Variants in ARSB observed in about 807,000 individuals in gnomAD.
ARSB encodes the protein arylsulfatase B, also known as N-acetylgalactosamine-4-sulfatase.
Under a neutral mutation model 50.9 loss-of-function variants are expected in ARSB, and 41 were observed. The observed-to-expected ratio is 0.81, with a 90% confidence interval of 0.63 to 1.04. ARSB has a LOEUF of 1.04. ARSB is among the 50% of genes least tolerant of loss of function. The pLI, the probability that ARSB is intolerant of heterozygous loss-of-function variation, is 0.00. For missense variants in ARSB, 672 were observed against 693.3 expected, an observed-to-expected ratio of 0.97 and a Z score of 0.35; for synonymous variants, 269 against 284.8, an observed-to-expected ratio of 0.94 and a Z score of 0.56.
chr5:78,862,510 C>T (rs1746495021), intron 5 of ARSB, among the ~76,000 whole-genome samples: 1 of 152,148 alleles, frequency 6.6e-6, no homozygotes, highest in Admixed American at 6.5e-5. Context: ...AAAGTATTCC[C>T]TATTTAATAC....
intron 4 of ARSB, among the ~76,000 whole-genome samples, chr5:78,920,312 G>A (rs1749744281): frequency 6.6e-6 from 1 of 152,228 alleles, no homozygotes; most frequent in Admixed American, 6.5e-5. Context: ...GGGAGGCCAA[G>A]GTGGGAGGAT....
At chr5:78,868,925 G>C (rs1367218392) in intron 5 of ARSB, among the ~76,000 whole-genome samples, 1 of 151,636 alleles carries the variant, frequency 6.6e-6, no homozygotes, top group Non-Finnish European at 1.5e-5. Context: ...CCCATCTCAC[G>C]TGCAGAGACA....
chr5:78,947,543 A>G (rs1382560466), intron 4 of ARSB, among the ~76,000 whole-genome samples: 1 of 152,216 alleles, frequency 6.6e-6, no homozygotes, highest in African/African-American at 2.4e-5. Context: ...GCTCAACATG[A>G]TTGGCTATCA....
intron 5 of ARSB, among the ~76,000 whole-genome samples, chr5:78,848,947 T>C (rs1210961048): frequency 2.0e-5 from 3 of 152,224 alleles, no homozygotes; most frequent in Admixed American, 6.5e-5. Flanking sequence ...TTGAGTTCAT[T>C]GTAGATTCTG....
chr5:78,916,100 G>A lies in ARSB; in HGVS notation c.899-30273C>T, dbSNP rs372181022. Among the ~76,000 whole-genome samples the A allele has an allele frequency of 1.4e-4, 21 of 152,278 alleles. No individual in the cohort carries two copies. The South Asian group carries it at 2.9e-3, about 21-fold the overall frequency. On this transcript the variant is annotated intron_variant, in intron 4 of 7. Transcript: ENST00000264914. ...GGGATGAATATAATGTGGTAAGCGC[G>A]TATGACTTCCATAAAATCCAAAATA...
chr5:78,787,951 G>T (rs1298128551), intron 6 of ARSB, among the ~76,000 whole-genome samples: 2 of 152,116 alleles, frequency 1.3e-5, no homozygotes, highest in Admixed American at 1.3e-4. Context: ...CAGAAACAGA[G>T]CACTGAGGGC....
chr5:78,813,691 A>G (rs1000293196), intron 6 of ARSB, among the ~76,000 whole-genome samples: 2 of 152,116 alleles, frequency 1.3e-5, no homozygotes, highest in Admixed American at 6.5e-5. Context: ...AGGGAGCTCA[A>G]GGCTGCAGTG....
In ARSB at chr5:78,985,196, A is replaced by T; in HGVS notation, c.53T>A (p.Leu18Gln). ...SLPRGPGPRR[L>Q]LLPVVLPLLL... is the part of the protein sequence containing the mutation. ...CAGCGGGAGGACGACGGGGAGGAGC[A>T]GCCGCCGAGGTCCGGGGCCTCGGGG... The change falls in exon 1 of 8, where the codon CTG becomes CAG. Residue 18 changes from leucine to glutamine, a missense_variant. Leu to Gln is a moderately radical substitution (Grantham distance 113). Coordinates refer to ENST00000264914, the MANE Select transcript of ARSB (RefSeq NM_000046.5). The T allele has an allele frequency of 7.2e-7, 1 of 1,396,042 alleles. No individual in the cohort carries two copies. Among genetic ancestry groups the T allele is most frequent in the South Asian group, 1.6e-5 (1 of 61,824 alleles). 86.5% of individuals were successfully genotyped at this position (1,396,042 alleles called of 1,614,324 possible).
intron 4 of ARSB, among the ~76,000 whole-genome samples, chr5:78,913,963 ATTT>A (rs200423948): frequency 7.2e-6 from 1 of 138,184 alleles, no homozygotes. Flanking sequence ...CAATACCATG[ATTT>A]TTTTTTTTTT....
intron 5 of ARSB, among the ~76,000 whole-genome samples, chr5:78,868,152 T>G (rs1025628653): frequency 5.0e-4 from 70 of 140,402 alleles, no homozygotes; most frequent in African/African-American, 1.8e-3. Flanking sequence ...CCAAGAAATA[T>G]GGGACTATGT....
At chr5:78,884,523 A>G (rs1381886663) in intron 5 of ARSB, 2 of 151,156 alleles carry the variant, frequency 1.3e-5, no homozygotes, top group African/African-American at 4.8e-5. Context: ...GAGTGGGATG[A>G]AGAGATGGCC....
chr5:78,956,210 T>C (rs1442719076), intron 3 of ARSB, among the ~76,000 whole-genome samples: 1 of 152,216 alleles, frequency 6.6e-6, no homozygotes, highest in Admixed American at 6.5e-5. Context: ...TATTGATACA[T>C]ACTACAACAT....
Position 78,785,740 on chromosome 5 carries a change from C to T in ARSB, c.1214-3766G>A, listed in dbSNP as rs549575610. ...CCTAATCTCCCAGAACCTATGAATA[C>T]ATCACCTTCCATGCCATAAGGGACT... is the stretch of plus-strand genomic sequence containing the variant. On this transcript the variant is annotated intron_variant, in intron 6 of 7. Transcript: ENST00000264914. Among the ~76,000 whole-genome samples the T allele has an allele frequency of 5.3e-5, 8 of 152,352 alleles. No homozygotes were observed. The East Asian group carries it at 1.5e-3, about 29-fold the overall frequency.
chr5:78,904,835 T>C (rs1176488359), intron 4 of ARSB, among the ~76,000 whole-genome samples: 1 of 151,896 alleles, frequency 6.6e-6, no homozygotes, highest in Non-Finnish European at 1.5e-5. Context: ...ACGACAGGCG[T>C]GTGCCACCAC....
chr5:78,790,486 A>C (rs917047889), intron 6 of ARSB, among the ~76,000 whole-genome samples: 7 of 152,228 alleles, frequency 4.6e-5, no homozygotes, highest in African/African-American at 9.6e-5. Flanking sequence ...TAAAATTAAC[A>C]TAACAGTAGC....
intron 5 of ARSB, among the ~76,000 whole-genome samples, chr5:78,850,347 A>G (rs1745703323): frequency 6.6e-6 from 1 of 152,206 alleles, no homozygotes; most frequent in African/African-American, 2.4e-5. Flanking sequence ...TTCTGGTTAT[A>G]TGCTGGATTA....
intron 6 of ARSB, among the ~76,000 whole-genome samples, chr5:78,799,569 G>T (rs1469821150): frequency 2.6e-5 from 4 of 152,178 alleles, no homozygotes; most frequent in Middle Eastern, 3.2e-3. Context: ...GATGTGTATG[G>T]CAAAATCCTA....
chr5:78,828,761 C>T (rs978754315), intron 6 of ARSB, among the ~76,000 whole-genome samples: 5 of 128,136 alleles, frequency 3.9e-5, no homozygotes, highest in Non-Finnish European at 6.8e-5. Flanking sequence ...AAGATATCCA[C>T]GTCCCAATCC....
chr5:78,918,459 T>C (rs1345408652), intron 4 of ARSB, among the ~76,000 whole-genome samples: 1 of 152,110 alleles, frequency 6.6e-6, no homozygotes, highest in Non-Finnish European at 1.5e-5. Context: ...TTGCAGAAAG[T>C]TTCCATATGC....
Sources: allele counts gnomAD v4.1 joint callset (sites outside exome capture counted in the v4.1 genomes callset), GRCh38; gene constraint gnomAD v4.1.1; transcripts MANE v1.5; gene names NCBI Gene and HGNC (gene_info 2026-07-23, HGNC 2026-07-21).